Variants in HEBP2 observed in about 807,000 individuals in gnomAD.
HEBP2 encodes heme-binding protein 2.
A neutral mutation model predicts 23.1 loss-of-function variants in HEBP2; 27 were observed. That is an observed-to-expected ratio of 1.17 (90% confidence interval 0.86 to 1.61). The LOEUF (loss-of-function observed/expected upper bound fraction) is 1.61. Among genes scored for constraint, HEBP2 ranks in the 40% most tolerant of loss-of-function variants. The pLI, the probability that HEBP2 is intolerant of heterozygous loss-of-function variation, is 0.00. For synonymous variants in HEBP2, 99 were observed against 95.1 expected, an observed-to-expected ratio of 1.04 and a Z score of -0.24; for missense variants, 245 against 253.8, an observed-to-expected ratio of 0.97 and a Z score of 0.24.
Position 138,413,384 on chromosome 6 carries a change from T to C in HEBP2, c.*306T>C, listed in dbSNP as rs1774786835. On this transcript the variant is annotated 3_prime_UTR_variant, in exon 4 of 4. Coordinates refer to ENST00000607197, the MANE Select transcript of HEBP2 (RefSeq NM_014320.3). ...TCACAATCATATTCCCTTTTTTTTT[T>C]CTTGGATTTGTGTCAGTTGGATGAT... 1.7e-5 allele frequency: 4 copies of C among 239,334 alleles called. No individual in the cohort carries two copies. The highest frequency in any genetic ancestry group is 1.5e-4 in the South Asian group (2 of 13,578). The allele number at this position is 239,334 out of a possible 1,614,324, so 14.8% of individuals were successfully genotyped here. A position where few individuals can be genotyped will look rare whatever the true frequency, so the allele number is the denominator to read the frequency against.
intron 3 of HEBP2, among the ~76,000 whole-genome samples, chr6:138,409,170 C>A (rs1414707234): frequency 6.6e-6 from 1 of 152,102 alleles, no homozygotes; most frequent in African/African-American, 2.4e-5. Context: ...TGTGCCACCA[C>A]CATGCCCAGC....
chr6:138,404,522 C>T lies in HEBP2; in HGVS notation c.27C>T (p.Pro9=). The T allele has an allele frequency of 1.5e-6, 2 of 1,314,068 alleles. No individual in the cohort carries two copies. The highest frequency in any genetic ancestry group is 1.9e-6 in the Non-Finnish European group (2 of 1,031,292). The allele number at this position is 1,314,068 out of a possible 1,614,324, so 81.4% of individuals were successfully genotyped here. Reference sequence around the variant, plus strand: ...TGGCCGAGCCGCTCCAGCCAGACCCCGGGGCGGCCGAGGACGCGGCGGCCC... The same window carrying T: ...TGGCCGAGCCGCTCCAGCCAGACCCTGGGGCGGCCGAGGACGCGGCGGCCC... MAEPLQPD[P]GAAEDAAAQA... The change falls in exon 1 of 4, where the codon CCC becomes CCT. Residue 9 remains proline (P), a synonymous_variant. Transcript: ENST00000607197.
At position 138,417,837 on chromosome 6, in the gene HEBP2, A is replaced by G. The variant is rs900030007; in HGVS notation, c.*4759A>G. 6.6e-6 allele frequency: 1 copy of G among 152,226 alleles called. No homozygotes were observed. The highest frequency in any genetic ancestry group is 1.5e-5 in the Non-Finnish European group (1 of 68,040). 9.4% of individuals were successfully genotyped at this position (152,226 alleles called of 1,614,324 possible). A position where few individuals can be genotyped will look rare whatever the true frequency, so the allele number is the denominator to read the frequency against. ...AGAGCAAATAATTTACAGATCATCT[A>G]TGGGGCTGGGAAAAGTTTGTGTTTC... On this transcript the variant is annotated 3_prime_UTR_variant, in exon 4 of 4. Transcript: ENST00000607197.
intron 2 of HEBP2, among the ~76,000 whole-genome samples, chr6:138,405,588 T>TA (rs1320501080): frequency 1.3e-5 from 2 of 152,186 alleles, no homozygotes; most frequent in African/African-American, 4.8e-5. Flanking sequence ...GGCAAGAAGG[T>TA]ACCAAGATTA....
Position 138,419,753 on chromosome 6 carries a change from C to G in HEBP2, c.*6675C>G, listed in dbSNP as rs1323262099. 2.0e-5 allele frequency: 3 copies of G among 152,184 alleles called. No homozygotes were observed. In the East Asian group the frequency reaches 5.8e-4, roughly 29 times the overall value. 9.4% of individuals were successfully genotyped at this position (152,184 alleles called of 1,614,324 possible). A position where few individuals can be genotyped will look rare whatever the true frequency, so the allele number is the denominator to read the frequency against. ...CCAAGGAGTGGAGGCAGGAGTGACC[C>G]CACTTACCATCGCACCCAACGAACC... On this transcript the variant is annotated 3_prime_UTR_variant, in exon 4 of 4. Coordinates refer to ENST00000607197, the MANE Select transcript of HEBP2 (RefSeq NM_014320.3).
intron 3 of HEBP2, chr6:138,411,934 T>C (rs1774752369): frequency 5.5e-6 from 2 of 360,972 alleles, no homozygotes; most frequent in East Asian, 9.7e-5. Flanking sequence ...AGAGTGAGAC[T>C]CTGTCTCAAA....
Position 138,404,536 on chromosome 6 carries a change from A to G in HEBP2, c.41A>G (p.Asp14Gly). The change falls in exon 1 of 4, where the codon GAC becomes GGC. Residue 14 changes from aspartate to glycine, a missense_variant. Coordinates refer to ENST00000607197, the MANE Select transcript of HEBP2 (RefSeq NM_014320.3). ...PLQPDPGAAE[D>G]AAAQAVETPG... Reference sequence around the variant, plus strand: ...CAGCCAGACCCCGGGGCGGCCGAGGACGCGGCGGCCCAAGCTGTGGAGACG... The same window carrying G: ...CAGCCAGACCCCGGGGCGGCCGAGGGCGCGGCGGCCCAAGCTGTGGAGACG... 1 of 1,300,852 alleles carries G rather than the reference A, an allele frequency of 7.7e-7. No homozygotes were observed. Among genetic ancestry groups the G allele is most frequent in the South Asian group, 2.2e-5 (1 of 45,460 alleles). 80.6% of individuals were successfully genotyped at this position (1,300,852 alleles called of 1,614,324 possible). A position where few individuals can be genotyped will look rare whatever the true frequency, so the allele number is the denominator to read the frequency against.
chr6:138,405,494 G>C (rs1774628776), intron 2 of HEBP2, among the ~76,000 whole-genome samples: 1 of 152,176 alleles, frequency 6.6e-6, no homozygotes. Context: ...ATGAACTGGG[G>C]TTTGGTGTAA....
rs1166911609 is a variant in HEBP2 at position 138,404,458 on chromosome 6, G to A, written c.-38G>A. On this transcript the variant is annotated 5_prime_UTR_variant, in exon 1 of 4. Transcript: ENST00000607197. ...GGGCGGCCCGGGGTGCGGGGCCTCT[G>A]CGCGGCTGACCAGGCTCCCAGAGCG... The A allele has an allele frequency of 1.6e-5, 20 of 1,234,558 alleles. No individual in the cohort carries two copies. The highest frequency in any genetic ancestry group is 1.9e-5 in the Non-Finnish European group (19 of 985,432). 76.5% of individuals were successfully genotyped at this position (1,234,558 alleles called of 1,614,324 possible). A position where few individuals can be genotyped will look rare whatever the true frequency, so the allele number is the denominator to read the frequency against.
Position 138,410,138 on chromosome 6 carries a change from T to C in HEBP2, c.420-2742T>C, listed in dbSNP as rs185322789. Among the ~76,000 whole-genome samples, 652 of 152,334 alleles carry C rather than the reference T, an allele frequency of 4.3e-3. 1 individual carries two copies. The highest frequency in any genetic ancestry group is 6.9e-3 in the Non-Finnish European group (467 of 68,034). ...CTGTCCTGGGGCCCTTCTATTCTTCTTCTTCTAAGTAATAGTGGCTTATTT... is the reference window on the plus strand; with the variant it reads ...CTGTCCTGGGGCCCTTCTATTCTTCCTCTTCTAAGTAATAGTGGCTTATTT... On this transcript the variant is annotated intron_variant, in intron 3 of 3. Coordinates refer to ENST00000607197, the MANE Select transcript of HEBP2 (RefSeq NM_014320.3).
At chr6:138,408,187 T>G (rs1774682643) in intron 3 of HEBP2, among the ~76,000 whole-genome samples, 1 of 152,216 alleles carries the variant, frequency 6.6e-6, no homozygotes, top group South Asian at 2.1e-4. Context: ...TTGAACAAGC[T>G]TTCTCATTTC....
chr6:138,419,799 C>A lies in HEBP2; in HGVS notation c.*6721C>A, dbSNP rs1370958626. On this transcript the variant is annotated 3_prime_UTR_variant, in exon 4 of 4. Coordinates refer to ENST00000607197, the MANE Select transcript of HEBP2 (RefSeq NM_014320.3). ...GAACCACTGAGGGACTTAGTACTTC[C>A]CATGCCCACAACTCCAGGTTCTACA... The A allele has an allele frequency of 1.3e-5, 2 of 152,170 alleles. No individual in the cohort carries two copies. Among genetic ancestry groups the A allele is most frequent in the Non-Finnish European group, 2.9e-5 (2 of 68,036 alleles). The allele number at this position is 152,170 out of a possible 1,614,324, so 9.4% of individuals were successfully genotyped here.
chr6:138,404,514 C>A lies in HEBP2; in HGVS notation c.19C>A (p.Pro7Thr). The stretch of plus-strand genomic sequence containing the variant: ...GCCGCCCATGGCCGAGCCGCTCCAG[C>A]CAGACCCCGGGGCGGCCGAGGACGC... The part of the protein sequence containing the change: MAEPLQ[P>T]DPGAAEDAAA... Residue 7 changes from proline to threonine, a missense_variant, in exon 1 of 4, where the codon CCA becomes ACA. Pro to Thr is a conservative substitution (Grantham distance 38). Coordinates refer to ENST00000607197, the MANE Select transcript of HEBP2 (RefSeq NM_014320.3). The A allele has an allele frequency of 7.6e-7, 1 of 1,314,874 alleles. No individual in the cohort carries two copies. Among genetic ancestry groups the A allele is most frequent in the Non-Finnish European group, 9.7e-7 (1 of 1,031,606 alleles). 81.5% of individuals were successfully genotyped at this position (1,314,874 alleles called of 1,614,324 possible). A position where few individuals can be genotyped will look rare whatever the true frequency, so the allele number is the denominator to read the frequency against.
chr6:138,405,366 C>T, intron 2 of HEBP2, 86 bp downstream of exon 2: 3 of 1,511,424 alleles, frequency 2.0e-6, no homozygotes, highest in Middle Eastern at 1.7e-4. Context: ...AAGAAATATC[C>T]TTTATAATGG....
At position 138,413,027 on chromosome 6, in the gene HEBP2, T is replaced by A. The variant is rs769592451; in HGVS notation, c.567T>A (p.Asn189Lys). The A allele has an allele frequency of 1.2e-6, 2 of 1,613,776 alleles. No individual in the cohort carries two copies. Among genetic ancestry groups the A allele is most frequent in the African/African-American group, 2.7e-5 (2 of 74,910 alleles). The change falls in exon 4 of 4, where the codon AAT becomes AAA. Residue 189 changes from asparagine to lysine, a missense_variant. Transcript: ENST00000607197. ...YNSPVKLLNRNNEVWLIQKNE... is the reference protein window; with the variant it reads ...YNSPVKLLNRKNEVWLIQKNE... ...GTCCTGTCAAATTGCTTAATAGAAA[T>A]AATGAAGTGTGGTTGATTCAAAAAA...
At chr6:138,405,018 C>A (rs1774615864) in intron 1 of HEBP2, 127 bp from the exon 2 acceptor site, 8 of 1,007,436 alleles carry the variant, frequency 7.9e-6, no homozygotes, top group Non-Finnish European at 1.2e-5. Context: ...TCAGGCCGGA[C>A]CCCGGGGCGG....
In HEBP2 at chr6:138,416,706, T is replaced by C. The variant is rs1774847558; in HGVS notation, c.*3628T>C. On this transcript the variant is annotated 3_prime_UTR_variant, in exon 4 of 4. Coordinates refer to ENST00000607197, the MANE Select transcript of HEBP2 (RefSeq NM_014320.3). ...CCGAGGGGTCCTGACCTGTAAAGTC[T>C]CATGGAAATAGTTGGTAGAACAAGG... 2.0e-5 allele frequency: 3 copies of C among 152,192 alleles called. No homozygotes were observed. The highest frequency in any genetic ancestry group is 1.3e-4 in the Admixed American group (2 of 15,284). The allele number at this position is 152,192 out of a possible 1,614,324, so 9.4% of individuals were successfully genotyped here.
intron 3 of HEBP2, chr6:138,412,203 TAC>T: frequency 2.7e-6 from 1 of 364,142 alleles, no homozygotes; most frequent in Non-Finnish European, 5.3e-6. Context: ...TCGGAGGAAA[TAC>T]ACTCTCAGGC....
chr6:138,421,777 C>A lies in HEBP2; in HGVS notation c.*8699C>A, dbSNP rs1774940337. On this transcript the variant is annotated 3_prime_UTR_variant, in exon 4 of 4. Transcript: ENST00000607197. ...CTCTCCACATGCCACGTCATCTGAA[C>A]CGCCAGGCGATAGGTTATTCGTATT... 1 of 152,172 alleles carries A rather than the reference C, an allele frequency of 6.6e-6. No homozygotes were observed. The highest frequency in any genetic ancestry group is 1.5e-5 in the Non-Finnish European group (1 of 68,036). The allele number at this position is 152,172 out of a possible 1,614,324, so 9.4% of individuals were successfully genotyped here. A position where few individuals can be genotyped will look rare whatever the true frequency, so the allele number is the denominator to read the frequency against.
Sources: allele counts gnomAD v4.1 joint callset (sites outside exome capture counted in the v4.1 genomes callset), GRCh38; gene constraint gnomAD v4.1.1; transcripts MANE v1.5; gene names NCBI Gene and HGNC (gene_info 2026-07-23, HGNC 2026-07-21).